Variants in DMD observed in about 807,000 individuals in gnomAD.
DMD encodes dystrophin.
A neutral mutation model predicts 330.1 loss-of-function variants in DMD; 63 were observed. That is an observed-to-expected ratio of 0.19 (90% CI 0.16 to 0.24). DMD has a LOEUF of 0.24. Among genes scored for constraint, DMD ranks in the 10% least tolerant of loss-of-function variants. The pLI is 1.00. For synonymous variants in DMD, 1,223 were observed against 959.8 expected (o/e 1.27, Z -5.07); for missense variants, 3,344 against 2,684.1 (o/e 1.25, Z -5.43).
intron 1 of DMD, among the ~76,000 whole-genome samples, chrX:33,091,401 C>G (rs1603265376): frequency 9.0e-6 from 1 of 111,667 alleles, no homozygotes; most frequent in East Asian, 2.8e-4. Flanking sequence ...AGCATTTGAA[C>G]TGCTGGATTT....
intron 20 of DMD, among the ~76,000 whole-genome samples, chrX:32,486,705 C>A (rs1312871251): frequency 9.5e-6 from 1 of 105,819 alleles, no homozygotes; most frequent in Admixed American, 1.0e-4. Context: ...CGCATACCTA[C>A]AACTATCTGA....
intron 47 of DMD, among the ~76,000 whole-genome samples, chrX:31,892,094 T>C (rs1476513069): frequency 8.9e-6 from 1 of 111,822 alleles, no homozygotes; most frequent in Non-Finnish European, 1.9e-5. Flanking sequence ...AAGCTTGCAA[T>C]CGCAGTTAGC....
chrX:32,296,243 T>C (rs2097495619), intron 42 of DMD, among the ~76,000 whole-genome samples: 1 of 109,590 alleles, frequency 9.1e-6, no homozygotes, highest in South Asian at 4.1e-4. Context: ...ATACAAACAT[T>C]CACCAGGTGT....
At chrX:33,058,210 G>T (rs1452063878) in intron 1 of DMD, among the ~76,000 whole-genome samples, 1 of 111,526 alleles carries the variant, frequency 9.0e-6, no homozygotes, top group Non-Finnish European at 1.9e-5. Flanking sequence ...AATTCTGAGG[G>T]ACACAAGTTA....
rs764408435 is a variant in DMD at position 32,173,183 on chromosome X, G to A, written c.6438+43733C>T. 1.0e-4 allele frequency among the ~76,000 whole-genome samples: 11 copies of A among 106,775 alleles called. No individual in the cohort carries two copies. In the East Asian group the frequency reaches 1.8e-3, roughly 17 times the overall value. The allele number at this position is 106,775 out of a possible 115,157, so 92.7% of individuals were successfully genotyped here. On this transcript the variant is annotated intron_variant, in intron 44 of 78. Coordinates refer to ENST00000357033, the MANE Select transcript of DMD (RefSeq NM_004006.3). ...TACACTATTCCTGTGACCTGTTGAC[G>A]TGACAAAGAGGTCGTTGGAGAAAAA...
chrX:33,204,765 C>A (rs2051470338), intron 1 of DMD, among the ~76,000 whole-genome samples: 1 of 112,351 alleles, frequency 8.9e-6, no homozygotes. Context: ...AACAAATCAT[C>A]AGCTGTAAGT....
intron 55 of DMD, among the ~76,000 whole-genome samples, chrX:31,548,044 A>C (rs2074252289): frequency 8.9e-6 from 1 of 112,166 alleles, no homozygotes; most frequent in South Asian, 3.7e-4. Context: ...AGGTGAGGTA[A>C]CTGGGATTTA....
At chrX:32,769,369 A>G (rs1298221270) in intron 7 of DMD, among the ~76,000 whole-genome samples, 1 of 110,927 alleles carries the variant, frequency 9.0e-6, no homozygotes, top group Non-Finnish European at 1.9e-5. Flanking sequence ...AGAAAACAGC[A>G]CGGGAAAGAC....
At chrX:32,585,128 C>G (rs2054084180) in intron 13 of DMD, among the ~76,000 whole-genome samples, 1 of 110,648 alleles carries the variant, frequency 9.0e-6, no homozygotes, top group South Asian at 3.8e-4. Flanking sequence ...CATGTGGGAG[C>G]TAAAAAATTG....
intron 37 of DMD, among the ~76,000 whole-genome samples, chrX:32,357,913 G>A (rs190014260): frequency 4.5e-4 from 49 of 109,117 alleles, no homozygotes; most frequent in East Asian, 1.7e-3. Context: ...TGTTTATGCC[G>A]AATTGTTACC....
chrX:31,819,978 C>A lies in DMD; in HGVS notation c.7306G>T (p.Ala2436Ser). ...DLAPGLTTIG[A>S]SPTQTVTLVT... is the part of the protein sequence containing the mutation. ...GAATGGGATCCAGTATACTTACAGG[C>A]TCCAATAGTGGTCAGTCCAGGAGCT... is the stretch of plus-strand genomic sequence containing the variant. Residue 2436 changes from alanine (A) to serine (S), a missense_variant, in exon 50 of 79, where the codon GCC (alanine) becomes TCC (serine). Coordinates refer to ENST00000357033, the MANE Select transcript of DMD (RefSeq NM_004006.3). 8.3e-7 allele frequency: 1 copy of A among 1,203,396 alleles called. No individual in the cohort carries two copies.
At chrX:31,323,497 G>T in intron 62 of DMD, 101 bp downstream of exon 62, 1 of 703,590 alleles carries the variant, frequency 1.4e-6, no homozygotes, top group East Asian at 3.5e-5. Flanking sequence ...CACAGGTATT[G>T]TAGGCCAGGC....
intron 51 of DMD, among the ~76,000 whole-genome samples, chrX:31,758,888 TC>T (rs1161730556): frequency 8.9e-6 from 1 of 112,254 alleles, no homozygotes; most frequent in Non-Finnish European, 1.9e-5. Context: ...AAAGGGAATT[TC>T]TTAAAGAATA....
chrX:32,750,227 A>G (rs1450762855), intron 7 of DMD, among the ~76,000 whole-genome samples: 4 of 112,164 alleles, frequency 3.6e-5, no homozygotes, highest in African/African-American at 1.3e-4. Flanking sequence ...TTAGAGTTAG[A>G]AAACTGAATC....
intron 43 of DMD, among the ~76,000 whole-genome samples, chrX:32,268,760 G>A (rs2097354050): frequency 9.0e-6 from 1 of 111,633 alleles, no homozygotes; most frequent in African/African-American, 3.3e-5. Flanking sequence ...GCACTTAACT[G>A]GAGCAGAAAA....
intron 57 of DMD, among the ~76,000 whole-genome samples, chrX:31,483,016 G>C (rs1013222551): frequency 9.3e-5 from 10 of 107,859 alleles, no homozygotes; most frequent in Non-Finnish European, 1.5e-4. Flanking sequence ...GTTGGAACAA[G>C]GTCTGTAAAA....
chrX:31,796,680 A>AT (rs2091846747), intron 50 of DMD, among the ~76,000 whole-genome samples: 1 of 111,814 alleles, frequency 8.9e-6, no homozygotes, highest in Non-Finnish European at 1.9e-5. Flanking sequence ...TATAGTTCAG[A>AT]TGTTGTCCCC....
intron 45 of DMD, among the ~76,000 whole-genome samples, chrX:31,940,429 T>C (rs2094980363): frequency 8.9e-6 from 1 of 111,781 alleles, no homozygotes; most frequent in African/African-American, 3.3e-5. Flanking sequence ...CTCATGAATA[T>C]GAAGCCTGGC....
chrX:32,414,012 C>T (rs367828970), intron 29 of DMD, among the ~76,000 whole-genome samples: 2 of 111,375 alleles, frequency 1.8e-5, no homozygotes, highest in East Asian at 2.8e-4. Context: ...TGAGACATTG[C>T]GCGCAGCCAA....
Sources: gnomAD v4.1 joint callset for allele counts (sites outside exome capture counted in the v4.1 genomes callset) on GRCh38, gnomAD v4.1.1 for gene constraint, MANE v1.5 for transcripts, NCBI Gene and HGNC (gene_info 2026-07-23, HGNC 2026-07-21) for gene names.